TGM6: variants seen among roughly 807,000 people sequenced by gnomAD.
The protein encoded by TGM6 is protein-glutamine gamma-glutamyltransferase 6.
In TGM6, 74 loss-of-function variants were observed where a neutral mutation model predicts 77.5. The ratio of observed to expected loss-of-function variants is 0.96; its 90% confidence interval spans 0.79 to 1.16. The LOEUF is 1.16. Ranked by LOEUF, TGM6 falls within the 50% of genes most tolerant of loss-of-function variation. TGM6 has a pLI of 0.00. For missense variants in TGM6, 968 were observed against 940.2 expected (o/e 1.03, Z -0.39); for synonymous variants, 383 against 378.9 (o/e 1.01, Z -0.12).
At chr20:2,399,298 A>G (rs1191645345) in intron 5 of TGM6, among the ~76,000 whole-genome samples, 1 of 152,162 alleles carries the variant, frequency 6.6e-6, no homozygotes, top group Admixed American at 6.5e-5. Context: ...GTCCCCCAAA[A>G]CAGATCATTT....
intron 1 of TGM6, among the ~76,000 whole-genome samples, chr20:2,391,344 C>T (rs767494718): frequency 9.9e-5 from 15 of 152,128 alleles, no homozygotes; most frequent in South Asian, 2.1e-4. Context: ...GTGGCAGGGC[C>T]GAGGCAGGAA....
At chr20:2,407,404 A>G (rs2084759484) in intron 9 of TGM6, among the ~76,000 whole-genome samples, 2 of 152,162 alleles carry the variant, frequency 1.3e-5, no homozygotes, top group Admixed American at 1.3e-4. Context: ...AGATCATCTG[A>G]GGTCAGGAGT....
intron 10 of TGM6, among the ~76,000 whole-genome samples, chr20:2,423,863 T>A (rs1329541230): frequency 6.6e-6 from 1 of 152,224 alleles, no homozygotes. Flanking sequence ...AGAATGAATG[T>A]TAACAGGCAT....
At position 2,431,041 on chromosome 20, in the gene TGM6, TG is replaced by T; in HGVS notation, c.1967+20del. ...GCTCAGCATCGAGTAAGTGCCAGCC[TG>T]GGGGGCTGGCAGGGAATGGGGCTCT... On this transcript the variant is annotated intron_variant, in intron 12 of 12. Transcript: ENST00000202625. 2 of 1,612,616 alleles carry T rather than the reference TG, an allele frequency of 1.2e-6. No individual in the cohort carries two copies. Among genetic ancestry groups the T allele is most frequent in the Non-Finnish European group, 1.7e-6 (2 of 1,179,398 alleles).
rs2084824731 is a variant in TGM6 at position 2,417,431 on chromosome 20, A to G, written c.1536A>G (p.Arg512=). ...CTCCCATGCTGGGCCACGACCTGAG[A>G]CTGGCCCTGTGCTTGGCCAACCTCA... The part of the protein sequence containing the change: ...LEPPMLGHDL[R]LALCLANLTS... The change falls in exon 10 of 13, where the codon AGA becomes AGG. Residue 512 remains arginine (R), a synonymous_variant. Transcript: ENST00000202625. The G allele has an allele frequency of 6.2e-7, 1 of 1,612,692 alleles. No homozygotes were observed.
At chr20:2,396,900 G>A (rs1183605658) in intron 4 of TGM6, among the ~76,000 whole-genome samples, 1 of 152,110 alleles carries the variant, frequency 6.6e-6, no homozygotes, top group Admixed American at 6.5e-5. Flanking sequence ...TTTCAAACAC[G>A]AGCGTACATC....
chr20:2,391,512 T>A (rs570408281), intron 1 of TGM6, among the ~76,000 whole-genome samples: 14 of 150,022 alleles, frequency 9.3e-5, no homozygotes, highest in Admixed American at 2.7e-4. Flanking sequence ...GGGTGGGGGG[T>A]GAGCTGGAGG....
chr20:2,387,261 T>C, intron 1 of TGM6, among the ~76,000 whole-genome samples: 1 of 152,210 alleles, frequency 6.6e-6, no homozygotes, highest in East Asian at 1.9e-4. Flanking sequence ...TTTTGGAGTT[T>C]CAGAGGTTTG....
At chr20:2,392,798 G>A (rs951495451) in intron 1 of TGM6, among the ~76,000 whole-genome samples, 5 of 152,218 alleles carry the variant, frequency 3.3e-5, no homozygotes, top group Non-Finnish European at 7.3e-5. Flanking sequence ...AGCTACTTGG[G>A]AGGCTGAAAT....
At chr20:2,384,751 T>G (rs979660381) in intron 1 of TGM6, among the ~76,000 whole-genome samples, 1 of 151,998 alleles carries the variant, frequency 6.6e-6, no homozygotes, top group African/African-American at 2.4e-5. Flanking sequence ...GAGAAGACGA[T>G]GAGAGGGAGA....
At chr20:2,380,998 C>CT (rs879312144) in intron 1 of TGM6, 23 bp downstream of exon 1, 100 of 1,608,100 alleles carry the variant, frequency 6.2e-5, no homozygotes, top group Non-Finnish European at 8.2e-5. Context: ...AGCCTGGGGC[C>CT]TTGGGACACC....
chr20:2,403,322 G>T, intron 7 of TGM6, 75 bp from the exon 8 acceptor site: 1 of 1,519,886 alleles, frequency 6.6e-7, no homozygotes. Flanking sequence ...GGAGCCCAGG[G>T]CCTGCCTCTC....
At chr20:2,397,298 A>T (rs1485380771) in intron 4 of TGM6, among the ~76,000 whole-genome samples, 2 of 152,170 alleles carry the variant, frequency 1.3e-5, no homozygotes, top group East Asian at 3.9e-4. Context: ...TGCTAGAGGA[A>T]TTCTGTCTGC....
chr20:2,417,471 C>A lies in TGM6; in HGVS notation c.1576C>A (p.Arg526=). The change falls in exon 10 of 13, where the codon CGG becomes AGG. Residue 526 remains arginine, a synonymous_variant. Coordinates refer to ENST00000202625, the MANE Select transcript of TGM6 (RefSeq NM_198994.3). ...GGCCAACCTCACCTCCCGGGCCCAG[C>A]GGGTGAGGGTCAACCTGAGCGGTGC... ...CLANLTSRAQ[R]VRVNLSGATI... is the part of the protein sequence containing the mutation. The A allele has an allele frequency of 6.2e-7, 1 of 1,610,250 alleles. No homozygotes were observed. Among genetic ancestry groups the A allele is most frequent in the East Asian group, 2.2e-5 (1 of 44,844 alleles).
chr20:2,392,848 A>G (rs542209884), intron 1 of TGM6, among the ~76,000 whole-genome samples: 2 of 152,308 alleles, frequency 1.3e-5, no homozygotes, highest in African/African-American at 4.8e-5. Flanking sequence ...GATTGCAGTG[A>G]TCCGAGATTG....
chr20:2,397,802 AGGGGGCAGC>A, intron 4 of TGM6, 107 bp from the exon 5 acceptor site: 1 of 1,537,916 alleles, frequency 6.5e-7, no homozygotes, highest in East Asian at 2.3e-5. Context: ...TGGTGGTTGG[AGGGGGCAGC>A]AAACTGCCCT....
At chr20:2,404,132 A>G (rs575782553) in intron 9 of TGM6, among the ~76,000 whole-genome samples, 1 of 152,226 alleles carries the variant, frequency 6.6e-6, no homozygotes, top group Non-Finnish European at 1.5e-5. Context: ...AATAATCACT[A>G]CTAGTAACAA....
rs1568667533 is a variant in TGM6 at position 2,417,676 on chromosome 20, A to G, written c.1678+103A>G. On this transcript the variant is annotated intron_variant, in intron 10 of 12. Transcript: ENST00000202625. ...CCCAGGACTGCATTCATCCCCAGGA[A>G]GGAAGGGGACATTCCTGAGCATTGT... 9 of 1,295,420 alleles carry G rather than the reference A, an allele frequency of 6.9e-6. No individual in the cohort carries two copies. In the East Asian group the frequency reaches 2.0e-4, roughly 29 times the overall value. 80.2% of individuals were successfully genotyped at this position (1,295,420 alleles called of 1,614,324 possible).
chr20:2,408,122 C>A (rs778171635), intron 9 of TGM6, among the ~76,000 whole-genome samples: 1 of 152,158 alleles, frequency 6.6e-6, no homozygotes, highest in Non-Finnish European at 1.5e-5. Context: ...GGATTCCAGA[C>A]TCATGCTGGG....
Sources: allele counts gnomAD v4.1 joint callset (sites outside exome capture counted in the v4.1 genomes callset), GRCh38; gene constraint gnomAD v4.1.1; transcripts MANE v1.5; gene names NCBI Gene and HGNC (gene_info 2026-07-23, HGNC 2026-07-21).